NOBOX: variants seen among roughly 807,000 people sequenced by gnomAD.
NOBOX encodes homeobox protein NOBOX.
A neutral mutation model predicts 60.2 loss-of-function variants in NOBOX; 46 were observed. The observed-to-expected ratio is 0.76, with a 90% CI of 0.60 to 0.98. The LOEUF (loss-of-function observed/expected upper bound fraction) is 0.98, where lower values mean the gene tolerates loss of function less well. Ranked by LOEUF, NOBOX falls within the 50% of genes least tolerant of loss-of-function variation. The pLI, the probability that NOBOX is intolerant of heterozygous loss-of-function variation, is 0.00. For missense variants in NOBOX, 880 were observed against 865.5 expected (o/e 1.02, Z -0.21); for synonymous variants, 360 against 346.3 (o/e 1.04, Z -0.44).
intron 1 of NOBOX, among the ~76,000 whole-genome samples, chr7:144,407,030 T>G (rs1196527006): frequency 6.6e-6 from 1 of 151,996 alleles, no homozygotes; most frequent in African/African-American, 2.4e-5. Context: ...TTCTTAGTTT[T>G]CAGAGCTAGA....
intron 5 of NOBOX, 127 bp from the exon 4 acceptor site, chr7:144,399,990 C>T (rs933457416): frequency 1.0e-5 from 13 of 1,300,846 alleles, no homozygotes; most frequent in African/African-American, 4.4e-5. Context: ...CTGAGCCCTC[C>T]GTCAGGCTGG....
chr7:144,399,364 C>T, intron 7 of NOBOX, 33 bp downstream of exon 5: 2 of 1,461,522 alleles, frequency 1.4e-6, no homozygotes, highest in Non-Finnish European at 1.9e-6. Flanking sequence ...CTTTAGTTGC[C>T]ATTTTCCCCC....
intron 7 of NOBOX, 108 bp from the exon 6 acceptor site, chr7:144,399,286 C>T (rs1274781685): frequency 2.0e-6 from 2 of 987,966 alleles, no homozygotes; most frequent in Admixed American, 2.1e-5. Flanking sequence ...TGAATAGGCC[C>T]TGCTGGCTGA....
rs780396581 is a variant in NOBOX at position 144,401,860 on chromosome 7, G to A, written c.292+9C>T. The A allele has an allele frequency of 2.6e-6, 4 of 1,568,200 alleles. No individual in the cohort carries two copies. The Admixed American group carries it at 5.0e-5, about 20-fold the overall frequency. On this transcript the variant is annotated intron_variant, in intron 3 of 9. Coordinates refer to ENST00000467773, the MANE Select transcript of NOBOX (RefSeq NM_001080413.3). This position sits in a 1 kb window ranked among gnomAD's most constrained non-coding sequence, Gnocchi z 4.2. ...AGCTCATGGTATCTCCTAATTTGGG[G>A]GTACTCACCCCTTGTGAGTTCCCTT...
At chr7:144,402,276 A>C (rs1471126634) in intron 2 of NOBOX, among the ~76,000 whole-genome samples, 1 of 150,770 alleles carries the variant, frequency 6.6e-6, no homozygotes, top group African/African-American at 2.4e-5. Context: ...TCGAGTAAGG[A>C]AACTGGGACC....
chr7:144,404,939 G>T (rs527866832), intron 1 of NOBOX, among the ~76,000 whole-genome samples: 23 of 152,280 alleles, frequency 1.5e-4, no homozygotes, highest in Non-Finnish European at 3.1e-4. Context: ...GGGGAGCGGG[G>T]CGGCCTGGAA....
chr7:144,401,694 T>G lies in NOBOX; in HGVS notation c.293-97A>C. The G allele has an allele frequency of 7.8e-7, 1 of 1,279,288 alleles. No homozygotes were observed. 79.2% of individuals were successfully genotyped at this position (1,279,288 alleles called of 1,614,324 possible). A position where few individuals can be genotyped will look rare whatever the true frequency, so the allele number is the denominator to read the frequency against. ...TTCCTGCTTTGCAAACGGTTTGATC[T>G]TAAGCTTTAATTTGTCTACCTATCA... On this transcript the variant is annotated intron_variant, in intron 3 of 9. Coordinates refer to ENST00000467773, the MANE Select transcript of NOBOX (RefSeq NM_001080413.3). The surrounding 1 kb of genome is among the most constrained non-coding windows in gnomAD (Gnocchi z 4.2).
chr7:144,409,355 G>A (rs1056036338), intron 1 of NOBOX, among the ~76,000 whole-genome samples: 2 of 152,104 alleles, frequency 1.3e-5, no homozygotes, highest in Non-Finnish European at 2.9e-5. Flanking sequence ...GGTAAATACC[G>A]AACAACTGAA....
At position 144,398,517 on chromosome 7, in the gene NOBOX, C is replaced by G; in HGVS notation, c.1539G>C (p.Gln513His). 6.5e-7 allele frequency: 1 copy of G among 1,536,640 alleles called. No homozygotes were observed. Among genetic ancestry groups the G allele is most frequent in the South Asian group, 1.2e-5 (1 of 84,024 alleles). The change falls in exon 9 of 10, where the codon CAG becomes CAC. Residue 513 changes from glutamine to histidine, a missense_variant. Gln to His is a conservative substitution (Grantham distance 24). Coordinates refer to ENST00000467773, the MANE Select transcript of NOBOX (RefSeq NM_001080413.3). Reference sequence around the variant, plus strand: ...CCTGGGAGAACTGGAAGGGTCCTGGCTGGTTGCTCTGTTGGTAATCCTGGG... The same window carrying G: ...CCTGGGAGAACTGGAAGGGTCCTGGGTGGTTGCTCTGTTGGTAATCCTGGG...
Position 144,404,588 on chromosome 7 carries a change from A to G in NOBOX, c.178T>C (p.Cys60Arg). 1.2e-6 allele frequency: 2 copies of G among 1,613,758 alleles called. No individual in the cohort carries two copies. Among genetic ancestry groups the G allele is most frequent in the Non-Finnish European group, 1.7e-6 (2 of 1,179,860 alleles). Residue 60 changes from cysteine to arginine, a missense_variant, in exon 2 of 10, where the codon TGC (cysteine) becomes CGC (arginine). By Grantham distance (180) the Cys-to-Arg change is radical (BLOSUM62 -3). Coordinates refer to ENST00000467773, the MANE Select transcript of NOBOX (RefSeq NM_001080413.3). ...AGGGTCTCCAGAGCACAAAGGCTGC[A>G]CCGGATGATGAAGAAGGAGCTGAAA...
At chr7:144,404,494 C>A in intron 2 of NOBOX, 1 of 1,435,266 alleles carries the variant, frequency 7.0e-7, no homozygotes, top group Non-Finnish European at 9.6e-7. Context: ...AGTTATCTGC[C>A]CGCCTGGGCT....
downstream of NOBOX, chr7:144,397,124 A>T: frequency 3.5e-6 from 3 of 865,896 alleles, no homozygotes; most frequent in Non-Finnish European, 5.1e-6. Context: ...GAAACGTCTA[A>T]CTCTCCCCTC....
In NOBOX at chr7:144,403,628, C is replaced by G. The variant is rs957033619; in HGVS notation, c.210+928G>C. The G allele has an allele frequency of 2.0e-5, 14 of 699,608 alleles. No homozygotes were observed. The African/African-American group carries it at 2.5e-4, about 12-fold the overall frequency. 43.3% of individuals were successfully genotyped at this position (699,608 alleles called of 1,614,324 possible). A position where few individuals can be genotyped will look rare whatever the true frequency, so the allele number is the denominator to read the frequency against. On this transcript the variant is annotated intron_variant, in intron 2 of 9. Transcript: ENST00000467773. ...CTCCCCGAACCCCCAAAGCCTGACC[C>G]CCTCGCACGACGGGGTCTCCACACT...
At position 144,399,009 on chromosome 7, in the gene NOBOX, C is replaced by G; in HGVS notation, c.1410G>C (p.Met470Ile). The change falls in exon 8 of 10, where the codon ATG (methionine) becomes ATC (isoleucine). Residue 470 changes from methionine (M) to isoleucine (I), a missense_variant. Met to Ile is a conservative substitution (Grantham distance 10). Transcript: ENST00000467773. Reference sequence around the variant, plus strand: ...GGCTGCTGTCACTGCCAGCAACATCCATCAGCAGTGGCATCAGTTGGGGGG... The same window carrying G: ...GGCTGCTGTCACTGCCAGCAACATCGATCAGCAGTGGCATCAGTTGGGGGG... The G allele has an allele frequency of 6.3e-7, 1 of 1,589,878 alleles. No homozygotes were observed.
intron 7 of NOBOX, 22 bp from the exon 6 acceptor site, chr7:144,399,200 G>C: frequency 8.2e-7 from 1 of 1,217,156 alleles, no homozygotes; most frequent in Non-Finnish European, 1.2e-6. Flanking sequence ...AGGCAAAGAG[G>C]TGCTATAACG....
intron 1 of NOBOX, among the ~76,000 whole-genome samples, chr7:144,406,256 T>C (rs2053984593): frequency 6.6e-6 from 1 of 152,180 alleles, no homozygotes; most frequent in African/African-American, 2.4e-5. Flanking sequence ...TTAGAGAATT[T>C]AAAATATTGG....
At chr7:144,406,239 T>C (rs2053984348) in intron 1 of NOBOX, among the ~76,000 whole-genome samples, 1 of 152,142 alleles carries the variant, frequency 6.6e-6, no homozygotes, top group Admixed American at 6.6e-5. Flanking sequence ...TAGATTTGCA[T>C]AGGGACTTAG....
intron 1 of NOBOX, among the ~76,000 whole-genome samples, chr7:144,404,988 C>G (rs145889778): frequency 5.7e-4 from 87 of 152,288 alleles, no homozygotes; most frequent in Non-Finnish European, 7.2e-4. Flanking sequence ...TTAAAAGACT[C>G]TGGACACCAC....
rs960952412 is a variant in NOBOX at position 144,404,593 on chromosome 7, A to G, written c.173T>C (p.Ile58Thr). ...CTCCAGAGCACAAAGGCTGCACCGGATGATGAAGAAGGAGCTGAAAGAGCC... is the reference window on the plus strand; with the variant it reads ...CTCCAGAGCACAAAGGCTGCACCGGGTGATGAAGAAGGAGCTGAAAGAGCC... Residue 58 changes from isoleucine to threonine, a missense_variant, in exon 2 of 10, where the codon ATC (isoleucine) becomes ACC (threonine). Physicochemically the swap from Ile to Thr is moderately conservative, Grantham distance 89. Transcript: ENST00000467773. 1 of 1,613,986 alleles carries G rather than the reference A, an allele frequency of 6.2e-7. No individual in the cohort carries two copies. The highest frequency in any genetic ancestry group is 8.5e-7 in the Non-Finnish European group (1 of 1,179,876).
Sources: gnomAD v4.1 joint callset for allele counts (sites outside exome capture counted in the v4.1 genomes callset) on GRCh38, gnomAD v4.1.1 for gene constraint, Gnocchi (gnomAD v3.1) non-coding constraint, MANE v1.5 for transcripts, NCBI Gene and HGNC (gene_info 2026-07-23, HGNC 2026-07-21) for gene names.